Variants in HOOK1 observed in about 807,000 individuals in gnomAD.
The protein encoded by HOOK1 is protein Hook homolog 1.
Under a neutral mutation model 112.8 loss-of-function variants are expected in HOOK1, and 60 were observed. That is an observed-to-expected ratio of 0.53 (90% CI 0.43 to 0.66). The LOEUF (loss-of-function observed/expected upper bound fraction) is 0.66, where lower values mean the gene tolerates loss of function less well. HOOK1 is among the 30% of genes least tolerant of loss of function. The pLI is 0.00. For missense variants in HOOK1, 770 were observed against 856.0 expected, an observed-to-expected ratio of 0.90 and a Z score of 1.25; for synonymous variants, 294 against 283.8, an observed-to-expected ratio of 1.04 and a Z score of -0.36.
At chr1:59,856,394 A>T (rs2098410788) in intron 12 of HOOK1, among the ~76,000 whole-genome samples, 1 of 151,244 alleles carries the variant, frequency 6.6e-6, no homozygotes, top group Non-Finnish European at 1.5e-5. Flanking sequence ...TAGTTCTTTG[A>T]ACATACTTAG....
chr1:59,830,062 T>C (rs904108726), intron 3 of HOOK1, among the ~76,000 whole-genome samples: 1 of 152,116 alleles, frequency 6.6e-6, no homozygotes, highest in African/African-American at 2.4e-5. Flanking sequence ...TCTGAGACAA[T>C]ACTCTGTATT....
Position 59,872,882 on chromosome 1 carries a change from C to T in HOOK1, c.2104C>T (p.Arg702Trp), listed in dbSNP as rs368618775. 9.1e-5 allele frequency: 139 copies of T among 1,528,032 alleles called. 1 individual carries two copies. The highest frequency in any genetic ancestry group is 3.6e-4 in the South Asian group (29 of 80,718). 94.7% of individuals were successfully genotyped at this position (1,528,032 alleles called of 1,614,324 possible). A position where few individuals can be genotyped will look rare whatever the true frequency, so the allele number is the denominator to read the frequency against. Residue 702 changes from arginine to tryptophan, a missense_variant, in exon 22 of 22, where the codon CGG (arginine) becomes TGG (tryptophan). By Grantham distance (101) the Arg-to-Trp change is moderately radical. Coordinates refer to ENST00000371208, the MANE Select transcript of HOOK1 (RefSeq NM_015888.6). Reference protein sequence around the residue: ...CSDTGACTPARSFLAQQRHIT... With the variant: ...CSDTGACTPAWSFLAQQRHIT... The stretch of plus-strand genomic sequence containing the variant: ...TGACACTGGTGCGTGCACTCCTGCG[C>T]GGTCTTTCTTAGCGCAGCAACGGCA...
intron 12 of HOOK1, among the ~76,000 whole-genome samples, chr1:59,854,422 G>A (rs1019581243): frequency 9.9e-5 from 15 of 151,666 alleles, no homozygotes; most frequent in Admixed American, 7.9e-4. Context: ...TTTCTCAGTA[G>A]TGTCCTTTTA....
chr1:59,855,902 T>C (rs1439660478), intron 12 of HOOK1, among the ~76,000 whole-genome samples: 1 of 144,154 alleles, frequency 6.9e-6, no homozygotes, highest in Admixed American at 7.0e-5. Flanking sequence ...GTCTCCCTAG[T>C]AGTTGGGACT....
intron 1 of HOOK1, among the ~76,000 whole-genome samples, chr1:59,820,741 T>C (rs535842968): frequency 2.9e-4 from 44 of 152,326 alleles, no homozygotes; most frequent in African/African-American, 9.9e-4. Flanking sequence ...CTAGAAATGA[T>C]TTATGTCTCT....
chr1:59,872,034 C>A (rs896020184), intron 21 of HOOK1, among the ~76,000 whole-genome samples: 4 of 152,148 alleles, frequency 2.6e-5, no homozygotes, highest in Admixed American at 6.5e-5. Flanking sequence ...CCTCTTGATA[C>A]ATAAATCAGT....
At chr1:59,819,347 A>G (rs1042110476) in intron 1 of HOOK1, among the ~76,000 whole-genome samples, 52 of 151,654 alleles carry the variant, frequency 3.4e-4, no homozygotes, top group African/African-American at 1.2e-3. Flanking sequence ...ACAGGGTTTC[A>G]CCATGTTGGC....
rs1353956466 is a variant in HOOK1, at chr1:59,875,509, A to AT, written c.*2546dup. On this transcript the variant is annotated 3_prime_UTR_variant, in exon 22 of 22. Coordinates refer to ENST00000371208, the MANE Select transcript of HOOK1 (RefSeq NM_015888.6). ...GTTGACACCCTGTGGGTGGTAAAGC[A>AT]TTATAAACATTTCATCTTGAACCAT... The AT allele has an allele frequency of 2.6e-5, 4 of 152,634 alleles. No individual in the cohort carries two copies. The highest frequency in any genetic ancestry group is 4.1e-4 in the South Asian group (2 of 4,830). 9.5% of individuals were successfully genotyped at this position (152,634 alleles called of 1,614,324 possible). A position where few individuals can be genotyped will look rare whatever the true frequency, so the allele number is the denominator to read the frequency against.
chr1:59,870,278 T>C (rs968050923), intron 20 of HOOK1, among the ~76,000 whole-genome samples: 3 of 152,206 alleles, frequency 2.0e-5, no homozygotes, highest in Non-Finnish European at 4.4e-5. Context: ...TCACAGCACA[T>C]GGGCATTTAA....
intron 9 of HOOK1, among the ~76,000 whole-genome samples, chr1:59,844,303 A>G (rs1246370312): frequency 6.6e-6 from 1 of 152,098 alleles, no homozygotes; most frequent in Non-Finnish European, 1.5e-5. Context: ...AAAGTTGGAC[A>G]CATGTCTCTT....
chr1:59,847,130 T>C lies in HOOK1; in HGVS notation c.874T>C (p.Leu292=). 3 of 1,607,968 alleles carry C rather than the reference T, an allele frequency of 1.9e-6. No individual in the cohort carries two copies. Among genetic ancestry groups the C allele is most frequent in the African/African-American group, 2.7e-5 (2 of 74,694 alleles). ...LIEFQHRNDE[L]TSLAEETRAL... ...CGAATTCCAGCATAGGAATGATGAA[T>C]TGACTAGTCTTGCAGAAGAAACAAG... Residue 292 remains leucine, a synonymous_variant, in exon 10 of 22, where the codon TTG becomes CTG. Coordinates refer to ENST00000371208, the MANE Select transcript of HOOK1 (RefSeq NM_015888.6).
intron 8 of HOOK1, 47 bp from the exon 9 acceptor site, chr1:59,843,385 T>G (rs745831332): frequency 5.0e-6 from 7 of 1,403,208 alleles, no homozygotes; most frequent in Non-Finnish European, 6.9e-6. Context: ...TTTTTATTTT[T>G]TTGTTTTTTT....
chr1:59,818,889 C>A (rs2098383491), intron 1 of HOOK1, among the ~76,000 whole-genome samples: 1 of 151,876 alleles, frequency 6.6e-6, no homozygotes, highest in Admixed American at 6.6e-5. Context: ...GTTGTGAAAA[C>A]CCCATTTTCC....
At chr1:59,861,732 A>G (rs966386052) in intron 15 of HOOK1, among the ~76,000 whole-genome samples, 26 of 152,294 alleles carry the variant, frequency 1.7e-4, no homozygotes, top group Admixed American at 4.6e-4. Context: ...CCTAACTACT[A>G]TGGTAACTTC....
chr1:59,863,770 T>C (rs892344474), intron 16 of HOOK1: 4 of 724,230 alleles, frequency 5.5e-6, no homozygotes, highest in Non-Finnish European at 6.7e-6. Context: ...TCTTTCTGTC[T>C]TTTATGTGCT....
chr1:59,819,916 C>T (rs1355736173), intron 1 of HOOK1, among the ~76,000 whole-genome samples: 2 of 152,168 alleles, frequency 1.3e-5, no homozygotes, highest in African/African-American at 4.8e-5. Context: ...ATTAATTCAT[C>T]ATCTCCTCTC....
In HOOK1 at chr1:59,825,065, T is replaced by G. The variant is rs531102606; in HGVS notation, c.149+3122T>G. On this transcript the variant is annotated intron_variant, in intron 2 of 21. Transcript: ENST00000371208. The stretch of plus-strand genomic sequence containing the variant: ...GTAGTCCCAGGCATTCTTTGGTTTG[T>G]GGCAGTGTATCTCTACTCTGTCTTC... Among the ~76,000 whole-genome samples, 44 of 152,358 alleles carry G rather than the reference T, an allele frequency of 2.9e-4. 1 individual carries two copies. The highest frequency in any genetic ancestry group is 6.8e-3 in the Middle Eastern group (2 of 294).
intron 8 of HOOK1, among the ~76,000 whole-genome samples, chr1:59,843,218 A>AT (rs1476921085): frequency 6.6e-6 from 1 of 150,794 alleles, no homozygotes; most frequent in Non-Finnish European, 1.5e-5. Context: ...TATTTTCTCC[A>AT]TATGTGTATT....
chr1:59,846,901 T>G, intron 9 of HOOK1, 144 bp from the exon 10 acceptor site: 1 of 535,778 alleles, frequency 1.9e-6, no homozygotes, highest in Middle Eastern at 5.0e-4. Context: ...TCTTTTGGCA[T>G]TTATTGATAC....
Sources: allele counts gnomAD v4.1 joint callset (sites outside exome capture counted in the v4.1 genomes callset), GRCh38; gene constraint gnomAD v4.1.1; transcripts MANE v1.5; gene names NCBI Gene and HGNC (gene_info 2026-07-23, HGNC 2026-07-21).